SPHKAP: variants seen among roughly 807,000 people sequenced by gnomAD.
SPHKAP encodes A-kinase anchor protein SPHKAP.
A neutral mutation model predicts 137.5 loss-of-function variants in SPHKAP; 67 were observed. The ratio of observed to expected loss-of-function variants is 0.49; its 90% confidence interval spans 0.40 to 0.60. SPHKAP has a LOEUF of 0.60. Ranked by LOEUF, SPHKAP falls within the 20% of genes least tolerant of loss-of-function variation. The pLI, the probability that SPHKAP is intolerant of heterozygous loss-of-function variation, is 0.00. For missense variants in SPHKAP, 2,097 were observed against 2,069.3 expected, an observed-to-expected ratio of 1.01 and a Z score of -0.26; for synonymous variants, 813 against 785.3, an observed-to-expected ratio of 1.04 and a Z score of -0.59.
chr2:228,080,202 G>A (rs559506297), intron 3 of SPHKAP, among the ~76,000 whole-genome samples: 7 of 152,108 alleles, frequency 4.6e-5, no homozygotes, highest in Non-Finnish European at 1.0e-4. Context: ...TATGGAGTGG[G>A]AGAACATATT....
intron 2 of SPHKAP, among the ~76,000 whole-genome samples, chr2:228,128,033 T>C (rs1699131660): frequency 6.6e-6 from 1 of 152,206 alleles, no homozygotes; most frequent in Non-Finnish European, 1.5e-5. Flanking sequence ...TGATGGCTAC[T>C]AATTGATCAA....
At chr2:228,100,390 T>C (rs1481708949) in intron 3 of SPHKAP, among the ~76,000 whole-genome samples, 5 of 152,198 alleles carry the variant, frequency 3.3e-5, no homozygotes, top group Non-Finnish European at 7.3e-5. Context: ...AGTGGTGAGA[T>C]TGGACATCCT....
At chr2:228,031,534 C>T (rs60381250) in intron 3 of SPHKAP, among the ~76,000 whole-genome samples, 30,534 of 151,916 alleles carry the variant, frequency 0.2, 3,381 homozygotes, top group East Asian at 0.38. Flanking sequence ...TCTCCCAGCA[C>T]GCAGCTGGAG....
At chr2:228,134,032 G>C (rs886122849) in intron 1 of SPHKAP, among the ~76,000 whole-genome samples, 1 of 149,082 alleles carries the variant, frequency 6.7e-6, no homozygotes, top group African/African-American at 2.5e-5. Flanking sequence ...AAAGATAAAA[G>C]AAAGGAAGGA....
chr2:228,025,287 C>A, intron 5 of SPHKAP, 107 bp downstream of exon 5: 1 of 1,178,844 alleles, frequency 8.5e-7, no homozygotes, highest in South Asian at 2.2e-5. Context: ...CACTTTGATT[C>A]CTATGTTACA....
At position 227,995,440 on chromosome 2, in the gene SPHKAP, C is replaced by A. The variant is rs559296260; in HGVS notation, c.4634+69G>T. 3.3e-5 allele frequency: 52 copies of A among 1,578,768 alleles called. 2 individuals are homozygous for A. In the South Asian group the frequency reaches 5.2e-4, roughly 16 times the overall value. The stretch of plus-strand genomic sequence containing the variant: ...TTATTAGGGACCCTTTGCAGAGAAC[C>A]ATTAAAATGCATTTTTAGAATCTGT... On this transcript the variant is annotated intron_variant, in intron 8 of 11. Coordinates refer to ENST00000392056, the MANE Select transcript of SPHKAP (RefSeq NM_001142644.2).
At chr2:228,109,213 G>A (rs1698439534) in intron 2 of SPHKAP, 1 of 247,750 alleles carries the variant, frequency 4.0e-6, no homozygotes, top group African/African-American at 2.3e-5. Flanking sequence ...TGTAGCTTTT[G>A]CATAATTTGC....
In SPHKAP at chr2:228,118,240, GT is replaced by G. The variant is rs71299665; in HGVS notation, c.139-9302del. Among the ~76,000 whole-genome samples, 692 of 124,092 alleles carry G rather than the reference GT, an allele frequency of 5.6e-3. 12 individuals carry two copies. The highest frequency in any genetic ancestry group is 0.043 in the East Asian group (191 of 4,396). The allele number at this position is 124,092 out of a possible 152,430, so 81.4% of individuals were successfully genotyped here. ...GCATTCCATTCTGTGGAGATACACA[GT>G]TTTTTTTTTTTTTTTTTTTTTTAAG... On this transcript the variant is annotated intron_variant, in intron 2 of 11. Transcript: ENST00000392056.
chr2:228,098,078 G>A (rs1698052520), intron 3 of SPHKAP, among the ~76,000 whole-genome samples: 1 of 152,120 alleles, frequency 6.6e-6, no homozygotes, highest in South Asian at 2.1e-4. Flanking sequence ...CACAGTGGCT[G>A]AACTAATTTG....
chr2:228,120,716 C>T (rs1698876268), intron 2 of SPHKAP, among the ~76,000 whole-genome samples: 1 of 152,206 alleles, frequency 6.6e-6, no homozygotes, highest in African/African-American at 2.4e-5. Context: ...TCAAGCCACA[C>T]TACTTCTGTC....
Position 228,019,461 on chromosome 2 carries a change from G to A in SPHKAP, c.1393C>T (p.Pro465Ser), listed in dbSNP as rs1694749841. The A allele has an allele frequency of 1.2e-6, 2 of 1,614,154 alleles. No homozygotes were observed. The highest frequency in any genetic ancestry group is 1.7e-6 in the Non-Finnish European group (2 of 1,180,036). ...ATCTCAGGCCAGGAGGAGATGCCTG[G>A]CTGTGGGGCAGCATCACTGCCATCT... ...SPDGSDAAPQ[P>S]GISSWPEMEV... Residue 465 changes from proline (P) to serine (S), a missense_variant, in exon 7 of 12, where the codon CCA (proline) becomes TCA (serine). Physicochemically the swap from Pro to Ser is moderately conservative, Grantham distance 74 (BLOSUM62 -1). Transcript: ENST00000392056.
intron 1 of SPHKAP, among the ~76,000 whole-genome samples, chr2:228,168,324 C>T (rs1444423670): frequency 6.6e-6 from 1 of 152,088 alleles, no homozygotes; most frequent in East Asian, 1.9e-4. Flanking sequence ...CTATGCTCTG[C>T]AGATACTGTG....
intron 7 of SPHKAP, among the ~76,000 whole-genome samples, chr2:228,003,036 G>A (rs1693970705): frequency 6.6e-6 from 1 of 152,172 alleles, no homozygotes; most frequent in Non-Finnish European, 1.5e-5. Flanking sequence ...GCTTAGGATT[G>A]ACTTGGCAAT....
chr2:228,028,598 T>C (rs1695152760), intron 3 of SPHKAP, among the ~76,000 whole-genome samples: 1 of 152,252 alleles, frequency 6.6e-6, no homozygotes, highest in Non-Finnish European at 1.5e-5. Flanking sequence ...TGTTTACATA[T>C]GTTTAGATAT....
At chr2:228,010,950 T>G (rs1452148000) in intron 7 of SPHKAP, among the ~76,000 whole-genome samples, 3 of 152,228 alleles carry the variant, frequency 2.0e-5, no homozygotes, top group Non-Finnish European at 4.4e-5. Flanking sequence ...TGTGTGTCTT[T>G]CAGTTTAAGA....
rs749269337 is a variant in SPHKAP at position 228,018,783 on chromosome 2, C to T, written c.2071G>A (p.Asp691Asn). The T allele has an allele frequency of 3.7e-6, 6 of 1,613,952 alleles. No homozygotes were observed. The African/African-American group carries it at 4.0e-5, about 11-fold the overall frequency. Residue 691 changes from aspartate to asparagine, a missense_variant, in exon 7 of 12, where the codon GAC becomes AAC. Transcript: ENST00000392056. ...GATGAATGCCTGTTGTCATTGGGGT[C>T]GATTATCATATTTTTGTGGTGAACT... is the stretch of plus-strand genomic sequence containing the variant. ...DEVHHKNMII[D>N]PNDNRHSSEI...
chr2:228,038,330 G>A (rs997790224), intron 3 of SPHKAP, among the ~76,000 whole-genome samples: 1 of 152,130 alleles, frequency 6.6e-6, no homozygotes, highest in Non-Finnish European at 1.5e-5. Context: ...TATTACAGGA[G>A]GAAACTTTTG....
intron 3 of SPHKAP, among the ~76,000 whole-genome samples, chr2:228,047,017 T>C (rs1483776578): frequency 2.6e-5 from 4 of 152,216 alleles, no homozygotes; most frequent in African/African-American, 9.6e-5. Flanking sequence ...GCCAAATACA[T>C]TTTTAAATTT....
intron 11 of SPHKAP, among the ~76,000 whole-genome samples, chr2:227,984,667 G>C (rs1233533041): frequency 6.6e-6 from 1 of 152,172 alleles, no homozygotes; most frequent in Non-Finnish European, 1.5e-5. Flanking sequence ...GACAGCTTTT[G>C]TATGATTCCA....
Sources: allele counts gnomAD v4.1 joint callset (sites outside exome capture counted in the v4.1 genomes callset), GRCh38; gene constraint gnomAD v4.1.1; transcripts MANE v1.5; gene names NCBI Gene and HGNC (gene_info 2026-07-23, HGNC 2026-07-21).